FARS2: variants seen among roughly 807,000 people sequenced by gnomAD.
The protein encoded by FARS2 is phenylalanine--tRNA ligase, mitochondrial.
A neutral mutation model predicts 46.4 loss-of-function variants in FARS2; 40 were observed. That is an observed-to-expected ratio of 0.86 (90% CI 0.67 to 1.12). The LOEUF (loss-of-function observed/expected upper bound fraction) is 1.12. FARS2 is among the 50% of genes most tolerant of loss of function. FARS2 has a pLI of 0.00. For synonymous variants in FARS2, 234 were observed against 214.9 expected (o/e 1.09, Z -0.78); for missense variants, 513 against 567.9 (o/e 0.90, Z 0.98).
rs182765343 is a variant in FARS2 at position 5,725,287 on chromosome 6, G to A, written c.1218-46004G>A. Among the ~76,000 whole-genome samples the A allele has an allele frequency of 1.6e-4, 24 of 152,342 alleles. No homozygotes were observed. The East Asian group carries it at 2.3e-3, about 15-fold the overall frequency. On this transcript the variant is annotated intron_variant, in intron 6 of 6. Transcript: ENST00000274680. Reference sequence around the variant, plus strand: ...GGAGGAAGGTGAAAGGTGTCCGTGGGGAGAAAATTGGAAAGGAGCTTTGGA... The same window carrying A: ...GGAGGAAGGTGAAAGGTGTCCGTGGAGAGAAAATTGGAAAGGAGCTTTGGA...
intron 6 of FARS2, among the ~76,000 whole-genome samples, chr6:5,703,600 T>A (rs1758569452): frequency 6.6e-6 from 1 of 152,170 alleles, no homozygotes; most frequent in South Asian, 2.1e-4. Context: ...TCACACTACC[T>A]CTTCCTCCCT....
chr6:5,369,881 GT>G (rs11390645), intron 2 of FARS2, among the ~76,000 whole-genome samples: 19 of 144,332 alleles, frequency 1.3e-4, no homozygotes, highest in Admixed American at 2.1e-4. Flanking sequence ...TTTTTTTGTT[GT>G]TTTTTTTTTT....
At chr6:5,461,927 G>A (rs997338073) in intron 4 of FARS2, among the ~76,000 whole-genome samples, 26 of 152,162 alleles carry the variant, frequency 1.7e-4, no homozygotes, top group African/African-American at 5.8e-4. Flanking sequence ...CATTTCTTTG[G>A]GGTAGGCACC....
chr6:5,756,195 G>A (rs1762196852), intron 6 of FARS2, among the ~76,000 whole-genome samples: 1 of 152,210 alleles, frequency 6.6e-6, no homozygotes, highest in African/African-American at 2.4e-5. Flanking sequence ...GGTAGCTACA[G>A]CATTGGGCAC....
chr6:5,270,222 C>T (rs1765849025), intron 1 of FARS2, among the ~76,000 whole-genome samples: 1 of 152,166 alleles, frequency 6.6e-6, no homozygotes, highest in Non-Finnish European at 1.5e-5. Context: ...TCTTGACGTT[C>T]TGAGATAAGC....
intron 1 of FARS2, among the ~76,000 whole-genome samples, chr6:5,302,188 C>T (rs925701460): frequency 6.6e-6 from 1 of 152,194 alleles, no homozygotes; most frequent in African/African-American, 2.4e-5. Context: ...TCTCAGGCGC[C>T]ATCCAAACCT....
chr6:5,622,760 G>A (rs186191151), intron 6 of FARS2, among the ~76,000 whole-genome samples: 5 of 152,330 alleles, frequency 3.3e-5, no homozygotes, highest in Admixed American at 2.6e-4. Flanking sequence ...CTCCAGAACC[G>A]TGAGAAATGC....
At chr6:5,551,774 A>G (rs1259983229) in intron 5 of FARS2, among the ~76,000 whole-genome samples, 1 of 152,038 alleles carries the variant, frequency 6.6e-6, no homozygotes, top group Non-Finnish European at 1.5e-5. Flanking sequence ...CCGTCTAGAG[A>G]CAGTCCTCAG....
At chr6:5,504,758 TTTATAA>T in intron 4 of FARS2, among the ~76,000 whole-genome samples, 1 of 152,332 alleles carries the variant, frequency 6.6e-6, no homozygotes, top group South Asian at 2.1e-4. Context: ...CTTTTAAATG[TTTATAA>T]TTAACATAAA....
chr6:5,255,711 T>C, the FARS2 span, among the ~76,000 whole-genome samples: 1 of 152,090 alleles, frequency 6.6e-6, no homozygotes, highest in African/African-American at 2.4e-5. Flanking sequence ...CACCTTAAAC[T>C]AGGATTTCTC....
intron 4 of FARS2, among the ~76,000 whole-genome samples, chr6:5,514,991 G>C (rs994112187): frequency 1.3e-5 from 2 of 151,704 alleles, no homozygotes; most frequent in African/African-American, 4.8e-5. Context: ...GCCCAGACTG[G>C]TCTTGAATTC....
At chr6:5,766,140 T>G (rs984426177) in intron 6 of FARS2, among the ~76,000 whole-genome samples, 1 of 152,216 alleles carries the variant, frequency 6.6e-6, no homozygotes, top group Non-Finnish European at 1.5e-5. Flanking sequence ...GTAGAAGCTG[T>G]GAAGTACATA....
At chr6:5,444,109 G>GTGTGTGTGTA (rs1763996531) in intron 4 of FARS2, among the ~76,000 whole-genome samples, 1 of 151,378 alleles carries the variant, frequency 6.6e-6, no homozygotes, top group South Asian at 2.1e-4. Context: ...GTGTGTGTGT[G>GTGTGTGTGTA]TGTGTGTGTG....
intron 5 of FARS2, among the ~76,000 whole-genome samples, chr6:5,580,880 T>A (rs1247284960): frequency 6.6e-6 from 1 of 152,230 alleles, no homozygotes; most frequent in East Asian, 1.9e-4. Flanking sequence ...TATGCACAAT[T>A]AGTGGAAGAC....
At chr6:5,674,136 ATG>A (rs1359698935) in intron 6 of FARS2, among the ~76,000 whole-genome samples, 1 of 138,442 alleles carries the variant, frequency 7.2e-6, no homozygotes, top group Non-Finnish European at 1.5e-5. Context: ...TGCCCTGAGG[ATG>A]TGTCCTCTAT....
chr6:5,258,267 C>G (rs1156841610), upstream of FARS2, among the ~76,000 whole-genome samples: 1 of 152,334 alleles, frequency 6.6e-6, no homozygotes, highest in Non-Finnish European at 1.5e-5. Flanking sequence ...TTTCACTACT[C>G]TAATTACTTA....
chr6:5,770,848 A>G (rs952749699), intron 6 of FARS2, among the ~76,000 whole-genome samples: 4 of 152,122 alleles, frequency 2.6e-5, no homozygotes, highest in African/African-American at 9.7e-5. Context: ...AGCCTTGCTG[A>G]TACTTCAGTT....
At chr6:5,679,147 A>G (rs1055229745) in intron 6 of FARS2, among the ~76,000 whole-genome samples, 2 of 152,228 alleles carry the variant, frequency 1.3e-5, no homozygotes, top group Admixed American at 6.5e-5. Context: ...ACATGCTGCA[A>G]TTGACCTGTT....
At chr6:5,250,451 C>CT in the FARS2 span, among the ~76,000 whole-genome samples, 1 of 152,138 alleles carries the variant, frequency 6.6e-6, no homozygotes, top group Admixed American at 6.5e-5. Flanking sequence ...ATTTTCTACT[C>CT]TAAGTTAACC....
Sources: allele counts gnomAD v4.1 joint callset (sites outside exome capture counted in the v4.1 genomes callset), GRCh38; gene constraint gnomAD v4.1.1; transcripts MANE v1.5; gene names NCBI Gene and HGNC (gene_info 2026-07-23, HGNC 2026-07-21).